Variants in BRAP observed in about 807,000 individuals in gnomAD.
The protein encoded by BRAP is BRCA1-associated protein.
A neutral mutation model predicts 73.4 loss-of-function variants in BRAP; 42 were observed. That is an observed-to-expected ratio of 0.57 (90% CI 0.45 to 0.74). The LOEUF is 0.74. Ranked by LOEUF, BRAP falls within the 30% of genes least tolerant of loss-of-function variation. The pLI is 0.00. For synonymous variants in BRAP, 255 were observed against 267.4 expected, an observed-to-expected ratio of 0.95 and a Z score of 0.45; for missense variants, 593 against 751.4, an observed-to-expected ratio of 0.79 and a Z score of 2.46.
At chr12:111,681,358 G>A (rs550241792) in intron 3 of BRAP, among the ~76,000 whole-genome samples, 14 of 148,594 alleles carry the variant, frequency 9.4e-5, no homozygotes, top group East Asian at 5.9e-4. Flanking sequence ...CAACGAGACC[G>A]AAACTCCATT....
At chr12:111,645,577 C>T (rs2135890046) in intron 11 of BRAP, among the ~76,000 whole-genome samples, 1 of 152,110 alleles carries the variant, frequency 6.6e-6, no homozygotes, top group South Asian at 2.1e-4. Flanking sequence ...ATTGCATTTG[C>T]TGAAGGGGAA....
At chr12:111,673,069 C>G in intron 4 of BRAP, 1 of 323,102 alleles carries the variant, frequency 3.1e-6, no homozygotes, top group Non-Finnish European at 5.6e-6. Flanking sequence ...TCATATTCAA[C>G]CAGCAACAGT....
chr12:111,674,975 A>G (rs1444467666), intron 4 of BRAP, among the ~76,000 whole-genome samples: 1 of 152,188 alleles, frequency 6.6e-6, no homozygotes, highest in Non-Finnish European at 1.5e-5. Flanking sequence ...CTAAACGACC[A>G]GCCTCCTCTA....
intron 5 of BRAP, among the ~76,000 whole-genome samples, 197 bp downstream of exon 5, chr12:111,672,464 A>G (rs377102337): frequency 1.3e-5 from 2 of 152,204 alleles, no homozygotes; most frequent in South Asian, 2.1e-4. Context: ...ATTCTAGAAC[A>G]CGTCCATCAC....
In BRAP at chr12:111,665,550, G is replaced by A. The variant is rs1735846996; in HGVS notation, c.896+89C>T. The A allele has an allele frequency of 5.2e-6, 8 of 1,524,462 alleles. No homozygotes were observed. In the Admixed American group the frequency reaches 1.5e-4, roughly 29 times the overall value. The allele number at this position is 1,524,462 out of a possible 1,614,324, so 94.4% of individuals were successfully genotyped here. On this transcript the variant is annotated intron_variant, in intron 6 of 11. Transcript: ENST00000419234. This position sits in a 1 kb window ranked among gnomAD's most constrained non-coding sequence, Gnocchi z 4.3. ...ACCTCTTGAATAAAGTCAAATACTT[G>A]GAATGGTTCATTTCTGCTGGTGGCT...
chr12:111,658,958 T>G, intron 8 of BRAP, 113 bp from the exon 9 acceptor site: 1 of 873,704 alleles, frequency 1.1e-6, no homozygotes, highest in Non-Finnish European at 1.7e-6. Context: ...TTACAATATT[T>G]CTTTAAAAGT....
At chr12:111,652,475 G>A (rs895563057) in intron 10 of BRAP, among the ~76,000 whole-genome samples, 1 of 152,086 alleles carries the variant, frequency 6.6e-6, no homozygotes, top group African/African-American at 2.4e-5. Flanking sequence ...TGCCTGCCTC[G>A]GCCTCCCAAA....
intron 8 of BRAP, 98 bp downstream of exon 8, chr12:111,659,109 A>G: frequency 1.4e-6 from 2 of 1,446,034 alleles, no homozygotes; most frequent in Non-Finnish European, 1.9e-6. Context: ...ACAGCTGTCA[A>G]AAGATGACAT....
chr12:111,678,253 A>C (rs1156491924), intron 4 of BRAP, among the ~76,000 whole-genome samples: 65 of 151,368 alleles, frequency 4.3e-4, no homozygotes, highest in African/African-American at 1.5e-3. Context: ...CCGTCTCAAA[A>C]AAAAAAAAAA....
In BRAP at chr12:111,672,589, C is replaced by T. The variant is rs944397216; in HGVS notation, c.747+72G>A. 18 of 1,367,086 alleles carry T rather than the reference C, an allele frequency of 1.3e-5. No individual in the cohort carries two copies. The African/African-American group carries it at 2.0e-4, about 15-fold the overall frequency. The allele number at this position is 1,367,086 out of a possible 1,614,324, so 84.7% of individuals were successfully genotyped here. On this transcript the variant is annotated intron_variant, in intron 5 of 11. Transcript: ENST00000419234. ...GGACTGGCCTATTCTGGGTATTTCACAGATACCTTAGCATTCAATTTTACA... is the reference window on the plus strand; with the variant it reads ...GGACTGGCCTATTCTGGGTATTTCATAGATACCTTAGCATTCAATTTTACA...
At chr12:111,650,101 G>A (rs1886261317) in intron 10 of BRAP, 59 bp from the exon 11 acceptor site, 5 of 1,209,640 alleles carry the variant, frequency 4.1e-6, no homozygotes, top group Non-Finnish European at 6.0e-6. Context: ...GTGCTCTTTG[G>A]GACCAACATC....
At position 111,655,649 on chromosome 12, in the gene BRAP, A is replaced by G. The variant is rs1483005655; in HGVS notation, c.1228T>C (p.Tyr410His). 4 of 1,608,876 alleles carry G rather than the reference A, an allele frequency of 2.5e-6. No homozygotes were observed. The highest frequency in any genetic ancestry group is 3.4e-6 in the Non-Finnish European group (4 of 1,175,288). ...KIDALQLEYS[Y>H]LLTSQLESQR... ...GATTCCAGCTGGCTTGTTAGTAAAT[A>G]TGAATACTAGAAACATAGAGAATAA... The change falls in exon 10 of 12, where the codon TAT becomes CAT. Residue 410 changes from tyrosine (Y) to histidine (H), a missense_variant. Physicochemically the swap from Tyr to His is moderately conservative, Grantham distance 83. Coordinates refer to ENST00000419234, the MANE Select transcript of BRAP (RefSeq NM_006768.5).
intron 4 of BRAP, among the ~76,000 whole-genome samples, chr12:111,677,542 C>T (rs1405043717): frequency 2.0e-5 from 3 of 152,126 alleles, no homozygotes; most frequent in East Asian, 1.9e-4. Context: ...ACACAGTTTC[C>T]GCAAGGGATT....
chr12:111,644,000 G>A lies in BRAP; in HGVS notation c.*199C>T, dbSNP rs1023650539. The A allele has an allele frequency of 1.8e-5, 15 of 835,816 alleles. No homozygotes were observed. The African/African-American group carries it at 2.2e-4, about 12-fold the overall frequency. The allele number at this position is 835,816 out of a possible 1,614,324, so 51.8% of individuals were successfully genotyped here. A position where few individuals can be genotyped will look rare whatever the true frequency, so the allele number is the denominator to read the frequency against. On this transcript the variant is annotated 3_prime_UTR_variant, in exon 12 of 12. Coordinates refer to ENST00000419234, the MANE Select transcript of BRAP (RefSeq NM_006768.5). ...GTGAACTCTTAAGACCTTTTCGAAC[G>A]CAGCGCCTTTCTATCAGCTCTCCAG...
At position 111,676,521 on chromosome 12, in the gene BRAP, C is replaced by A. The variant is rs143126462; in HGVS notation, c.633+2630G>T. On this transcript the variant is annotated intron_variant, in intron 4 of 11. Coordinates refer to ENST00000419234, the MANE Select transcript of BRAP (RefSeq NM_006768.5). Reference sequence around the variant, plus strand: ...CTCCACATCCCAGGTTCAATAGTTTCTCCTGCCTCAGCCTTTCAAGTGGCT... The same window carrying A: ...CTCCACATCCCAGGTTCAATAGTTTATCCTGCCTCAGCCTTTCAAGTGGCT... Among the ~76,000 whole-genome samples, 291 of 152,288 alleles carry A rather than the reference C, an allele frequency of 1.9e-3. 1 individual carries two copies. Among genetic ancestry groups the A allele is most frequent in the Middle Eastern group, 0.01 (3 of 294 alleles).
chr12:111,644,609 C>T (rs1183061371), intron 11 of BRAP, 47 bp from the exon 12 acceptor site: 9 of 1,589,270 alleles, frequency 5.7e-6, no homozygotes, highest in Non-Finnish European at 7.7e-6. Context: ...CATTTGCTGA[C>T]ACAGTCCCCT....
chr12:111,660,266 CAA>C (rs1886696212), intron 7 of BRAP, among the ~76,000 whole-genome samples: 1 of 150,660 alleles, frequency 6.6e-6, no homozygotes, highest in Non-Finnish European at 1.5e-5. Flanking sequence ...TTCAAAAGTG[CAA>C]AGAAAAAAGG....
At position 111,655,669 on chromosome 12, in the gene BRAP, G is replaced by C; in HGVS notation, c.1222-14C>G. 6.3e-7 allele frequency: 1 copy of C among 1,576,266 alleles called. No homozygotes were observed. The highest frequency in any genetic ancestry group is 8.7e-7 in the Non-Finnish European group (1 of 1,146,194). ...TAAATATGAATACTAGAAACATAGA[G>C]AATAAAGACCAAAATGTAAGTCACT... On this transcript the variant is annotated splice_polypyrimidine_tract_variant and intron_variant, in intron 9 of 11. Coordinates refer to ENST00000419234, the MANE Select transcript of BRAP (RefSeq NM_006768.5).
At chr12:111,674,308 C>T (rs1044137766) in intron 4 of BRAP, among the ~76,000 whole-genome samples, 1 of 151,912 alleles carries the variant, frequency 6.6e-6, no homozygotes, top group Admixed American at 6.6e-5. Flanking sequence ...AATGGCATGA[C>T]GTCAGCTCAC....
Sources: gnomAD v4.1 joint callset for allele counts (sites outside exome capture counted in the v4.1 genomes callset) on GRCh38, gnomAD v4.1.1 for gene constraint, Gnocchi (gnomAD v3.1) non-coding constraint, MANE v1.5 for transcripts, NCBI Gene and HGNC (gene_info 2026-07-23, HGNC 2026-07-21) for gene names.